The following PCDHGB1 variants were observed in gnomAD, a reference collection of about 807,000 sequenced individuals.
PCDHGB1 encodes the protein protocadherin gamma-B1.
In PCDHGB1, 34 loss-of-function variants were observed where a neutral mutation model predicts 56.6. That is an observed-to-expected ratio of 0.60 (90% confidence interval 0.46 to 0.80). The LOEUF (loss-of-function observed/expected upper bound fraction) is 0.80. Among genes scored for constraint, PCDHGB1 ranks in the 30% least tolerant of loss-of-function variants. The probability of loss-of-function intolerance (pLI) is 0.00; values close to 1 mark genes in which losing one functional copy is unlikely to be tolerated. For synonymous variants in PCDHGB1, 561 were observed against 505.9 expected, an observed-to-expected ratio of 1.11 and a Z score of -1.46; for missense variants, 1,278 against 1,204.6, an observed-to-expected ratio of 1.06 and a Z score of -0.90.
At chr5:141,356,770 C>T (rs1406276997) in intron 1 of PCDHGB1, 12 of 1,614,006 alleles carry the variant, frequency 7.4e-6, no homozygotes, top group Non-Finnish European at 1.0e-5. Flanking sequence ...CGACTATGAG[C>T]AGTTTAGAGA....
At chr5:141,379,474 T>C (rs1775619669) in intron 1 of PCDHGB1, 1 of 152,258 alleles carries the variant, frequency 6.6e-6, no homozygotes, top group Non-Finnish European at 1.5e-5. Context: ...AGTGTGAATG[T>C]TATTTTACTA....
chr5:141,372,289 T>C (rs1170089924), intron 1 of PCDHGB1: 1 of 1,613,228 alleles, frequency 6.2e-7, no homozygotes, highest in African/African-American at 1.3e-5. Flanking sequence ...GCGCGTACCT[T>C]GGGCGACAGG....
chr5:141,432,120 A>G lies in PCDHGB1; in HGVS notation c.2410-62687A>G, dbSNP rs764363553. 12 of 1,613,978 alleles carry G rather than the reference A, an allele frequency of 7.4e-6. No homozygotes were observed. The highest frequency in any genetic ancestry group is 5.3e-5 in the African/African-American group (4 of 74,894). ...AACGACAACCCGCCGGTCTTCCCTCAGGCCTCCTATTCCGCTTATATCCCA... is the reference window on the plus strand; with the variant it reads ...AACGACAACCCGCCGGTCTTCCCTCGGGCCTCCTATTCCGCTTATATCCCA... On this transcript the variant is annotated intron_variant, in intron 1 of 3. Transcript: ENST00000523390. The surrounding 1 kb of genome is among the most constrained non-coding windows in gnomAD (Gnocchi z 6.0).
intron 1 of PCDHGB1, among the ~76,000 whole-genome samples, chr5:141,455,419 G>T (rs1462099602): frequency 6.6e-6 from 1 of 152,124 alleles, no homozygotes; most frequent in Non-Finnish European, 1.5e-5. Flanking sequence ...AGGGAGCGGG[G>T]CTCCAAAAGA....
chr5:141,394,488 G>A (rs753312224), intron 1 of PCDHGB1: 5 of 1,614,196 alleles, frequency 3.1e-6, no homozygotes, highest in South Asian at 2.2e-5. Flanking sequence ...GAATGACAAC[G>A]CGCCCGAGAT....
At position 141,486,243 on chromosome 5, in the gene PCDHGB1, G is replaced by A. The variant is rs754924567; in HGVS notation, c.2410-8564G>A. 18 of 1,614,156 alleles carry A rather than the reference G, an allele frequency of 1.1e-5. No individual in the cohort carries two copies. The highest frequency in any genetic ancestry group is 1.4e-5 in the Non-Finnish European group (16 of 1,180,018). ...TACATCACAGTGACCTCAGAGCTTG[G>A]AACCCTCCCCGAGAGTGCAGAACCT... On this transcript the variant is annotated intron_variant, in intron 1 of 3. Coordinates refer to ENST00000523390, the MANE Select transcript of PCDHGB1 (RefSeq NM_018922.3). This position sits in a 1 kb window ranked among gnomAD's most constrained non-coding sequence, Gnocchi z 5.0.
intron 1 of PCDHGB1, chr5:141,392,496 T>C (rs1357893523): frequency 4.6e-6 from 1 of 215,562 alleles, no homozygotes; most frequent in Non-Finnish European, 9.1e-6. Context: ...AATAAGCAAA[T>C]GATTTTTTTT....
chr5:141,363,333 A>G (rs899178118), intron 1 of PCDHGB1, among the ~76,000 whole-genome samples: 3 of 152,286 alleles, frequency 2.0e-5, no homozygotes, highest in Non-Finnish European at 2.9e-5. Flanking sequence ...GTTATTAAAT[A>G]AAATGACTTT....
At chr5:141,376,354 C>G in intron 1 of PCDHGB1, 1 of 1,614,208 alleles carries the variant, frequency 6.2e-7, no homozygotes, top group South Asian at 1.1e-5. Context: ...CCCACGAGGT[C>G]TCACTCACTG....
At chr5:141,365,161 G>C in intron 1 of PCDHGB1, 1 of 1,613,928 alleles carries the variant, frequency 6.2e-7, no homozygotes, top group Admixed American at 1.7e-5. Context: ...ACGGGAAATT[G>C]ACCTACTCTT....
At chr5:141,417,345 A>G (rs937116752) in intron 1 of PCDHGB1, 3 of 153,022 alleles carry the variant, frequency 2.0e-5, no homozygotes, top group African/African-American at 7.2e-5. Flanking sequence ...GAGACCTATA[A>G]ACCTTCATGC....
chr5:141,415,843 G>T (rs1022622333), intron 1 of PCDHGB1: 36 of 1,251,418 alleles, frequency 2.9e-5, no homozygotes, highest in Non-Finnish European at 3.6e-5. Flanking sequence ...GATTAGCTTT[G>T]CAGAACCTTG....
At chr5:141,392,870 G>T (rs757363357) in intron 1 of PCDHGB1, 8 of 1,613,226 alleles carry the variant, frequency 5.0e-6, no homozygotes, top group Non-Finnish European at 6.8e-6. Context: ...TGTGCGCGCT[G>T]CTGGGAACGC....
In PCDHGB1 at chr5:141,487,470, G is replaced by C; in HGVS notation, c.2410-7337G>C. ...GACCCTATCAAGTTTGTTGATGTGG[G>C]AGGCCACTCTCATGGCTGTACACCC... On this transcript the variant is annotated intron_variant, in intron 1 of 3. Coordinates refer to ENST00000523390, the MANE Select transcript of PCDHGB1 (RefSeq NM_018922.3). The surrounding 1 kb of genome is among the most constrained non-coding windows in gnomAD (Gnocchi z 5.0). The C allele has an allele frequency of 1.9e-6, 3 of 1,614,162 alleles. No individual in the cohort carries two copies. Among genetic ancestry groups the C allele is most frequent in the South Asian group, 1.1e-5 (1 of 91,084 alleles).
At chr5:141,423,006 T>G (rs746057587) in intron 1 of PCDHGB1, 12 of 1,614,078 alleles carry the variant, frequency 7.4e-6, no homozygotes, top group African/African-American at 1.3e-5. Context: ...CCAAGGTGGT[T>G]GCGGTGGACA....
rs1259021130 is a variant in PCDHGB1 at position 141,485,083 on chromosome 5, G to C, written c.2410-9724G>C. ...GCGCCAGAGCTGGCGCGGGGAAAGG[G>C]AGATAGGTGTCTCCAGCTGCTGTGG... On this transcript the variant is annotated intron_variant, in intron 1 of 3. Coordinates refer to ENST00000523390, the MANE Select transcript of PCDHGB1 (RefSeq NM_018922.3). The surrounding 1 kb of genome is among the most constrained non-coding windows in gnomAD (Gnocchi z 5.7). The C allele has an allele frequency of 1.0e-6, 1 of 989,386 alleles. No homozygotes were observed. The highest frequency in any genetic ancestry group is 1.6e-5 in the African/African-American group (1 of 61,992). 61.3% of individuals were successfully genotyped at this position (989,386 alleles called of 1,614,324 possible).
chr5:141,470,538 A>G (rs2099232733), intron 1 of PCDHGB1, among the ~76,000 whole-genome samples: 1 of 152,140 alleles, frequency 6.6e-6, no homozygotes, highest in African/African-American at 2.4e-5. Context: ...GTATCAGGTA[A>G]TATTTATTGA....
At chr5:141,461,185 C>T (rs2154567265) in intron 1 of PCDHGB1, among the ~76,000 whole-genome samples, 1 of 152,134 alleles carries the variant, frequency 6.6e-6, no homozygotes, top group East Asian at 1.9e-4. Context: ...AATGGTAGAT[C>T]TGTTTTTTGC....
At chr5:141,510,828 C>T in intron 3 of PCDHGB1, 119 bp from the exon 4 acceptor site, 18 of 1,572,154 alleles carry the variant, frequency 1.1e-5, no homozygotes, top group Non-Finnish European at 1.6e-5. Context: ...ATTCCCAGTG[C>T]TCAGCGTGGT....
Sources: gnomAD v4.1 joint callset for allele counts (sites outside exome capture counted in the v4.1 genomes callset) on GRCh38, gnomAD v4.1.1 for gene constraint, Gnocchi (gnomAD v3.1) non-coding constraint, MANE v1.5 for transcripts, NCBI Gene and HGNC (gene_info 2026-07-23, HGNC 2026-07-21) for gene names.